Variants in CACNA2D1 observed in about 807,000 individuals in gnomAD.
CACNA2D1 encodes voltage-dependent calcium channel subunit alpha-2/delta-1.
In CACNA2D1, 53 loss-of-function variants were observed where a neutral mutation model predicts 171.5. That is an observed-to-expected ratio of 0.31 (90% confidence interval 0.25 to 0.39). CACNA2D1 has a LOEUF of 0.39. CACNA2D1 is among the 10% of genes least tolerant of loss of function. The pLI is 1.00. For synonymous variants in CACNA2D1, 442 were observed against 443.1 expected (o/e 1.00, Z 0.03); for missense variants, 903 against 1,299.8 (o/e 0.69, Z 4.69).
chr7:82,432,938 C>A (rs1201161780), intron 1 of CACNA2D1, among the ~76,000 whole-genome samples: 4 of 152,166 alleles, frequency 2.6e-5, no homozygotes, highest in Non-Finnish European at 4.4e-5. Context: ...GTAATCCTAG[C>A]ACTTTGGGAG....
At chr7:82,360,757 AT>A (rs1401012466) in intron 1 of CACNA2D1, among the ~76,000 whole-genome samples, 4 of 152,208 alleles carry the variant, frequency 2.6e-5, no homozygotes, top group African/African-American at 9.6e-5. Flanking sequence ...AAATGTATGA[AT>A]ATAAAACCAG....
chr7:81,989,286 G>A (rs925036566), intron 21 of CACNA2D1, among the ~76,000 whole-genome samples: 2 of 152,142 alleles, frequency 1.3e-5, no homozygotes, highest in South Asian at 2.1e-4. Flanking sequence ...GCCAGACTTC[G>A]GGTGTCAGAC....
At chr7:82,336,460 T>C (rs1818013102) in intron 2 of CACNA2D1, among the ~76,000 whole-genome samples, 1 of 152,206 alleles carries the variant, frequency 6.6e-6, no homozygotes, top group South Asian at 2.1e-4. Flanking sequence ...TTTTTGCTCC[T>C]AAAAGTGACT....
At chr7:82,255,610 A>G (rs1806202532) in intron 3 of CACNA2D1, among the ~76,000 whole-genome samples, 1 of 152,226 alleles carries the variant, frequency 6.6e-6, no homozygotes. Context: ...AATGATAAAA[A>G]GAAAATTGTT....
intron 6 of CACNA2D1, among the ~76,000 whole-genome samples, chr7:82,087,416 C>T (rs1010784097): frequency 1.3e-5 from 2 of 152,050 alleles, no homozygotes; most frequent in Non-Finnish European, 2.9e-5. Flanking sequence ...ATTTATACTA[C>T]GGAGAGAATA....
rs1794861041 is a variant in CACNA2D1 at position 81,967,753 on chromosome 7, A to G, written c.2396-90T>C. On this transcript the variant is annotated intron_variant, in intron 29 of 38. Coordinates refer to ENST00000356860, the MANE Select transcript of CACNA2D1 (RefSeq NM_000722.4). ...CAGTTATTTTGATAGCAAGTATCAG[A>G]CTATAGTTTATTACAGAAGTTTTAG... The G allele has an allele frequency of 6.4e-5, 43 of 668,548 alleles. No individual in the cohort carries two copies. The South Asian group carries it at 7.5e-4, about 12-fold the overall frequency. 41.4% of individuals were successfully genotyped at this position (668,548 alleles called of 1,614,324 possible).
intron 3 of CACNA2D1, among the ~76,000 whole-genome samples, chr7:82,249,766 T>C (rs1471368890): frequency 6.6e-6 from 1 of 152,200 alleles, no homozygotes; most frequent in African/African-American, 2.4e-5. Context: ...ACAGATTTTA[T>C]CTCAGTCCTG....
intron 5 of CACNA2D1, among the ~76,000 whole-genome samples, chr7:82,125,662 G>C (rs1263978310): frequency 6.6e-6 from 1 of 152,110 alleles, no homozygotes; most frequent in African/African-American, 2.4e-5. Flanking sequence ...AGGATACCTT[G>C]AGGCAGGAGT....
At chr7:82,016,902 C>A (rs1433542370) in intron 12 of CACNA2D1, among the ~76,000 whole-genome samples, 1 of 151,812 alleles carries the variant, frequency 6.6e-6, no homozygotes, top group Non-Finnish European at 1.5e-5. Context: ...TAATTTGTAC[C>A]CCTTTTCTCA....
intron 6 of CACNA2D1, among the ~76,000 whole-genome samples, 153 bp from the exon 7 acceptor site, chr7:82,085,053 AGAG>A (rs1810282942): frequency 6.6e-6 from 1 of 152,240 alleles, no homozygotes; most frequent in South Asian, 2.1e-4. Flanking sequence ...TCGACACTTT[AGAG>A]GACAGTTTGA....
At chr7:82,259,120 C>T (rs768011033) in intron 3 of CACNA2D1, among the ~76,000 whole-genome samples, 6 of 152,052 alleles carry the variant, frequency 3.9e-5, no homozygotes, top group Non-Finnish European at 7.4e-5. Flanking sequence ...AGCCACCACA[C>T]GTGGACAGAA....
At chr7:82,307,167 T>C (rs1359155383) in intron 3 of CACNA2D1, among the ~76,000 whole-genome samples, 1 of 152,118 alleles carries the variant, frequency 6.6e-6, no homozygotes, top group Non-Finnish European at 1.5e-5. Flanking sequence ...AATTCTTTTT[T>C]TAGGTGTGGG....
intron 3 of CACNA2D1, among the ~76,000 whole-genome samples, chr7:82,298,050 G>A (rs890040008): frequency 1.1e-4 from 17 of 151,798 alleles, no homozygotes; most frequent in Non-Finnish European, 2.9e-5. Context: ...ACTAGAAAAT[G>A]TTATTCAAAA....
chr7:82,172,081 G>C (rs1418825978), intron 3 of CACNA2D1, among the ~76,000 whole-genome samples: 2 of 151,936 alleles, frequency 1.3e-5, no homozygotes, highest in African/African-American at 4.8e-5. Context: ...GAGTCCCAAA[G>C]CTAAATTTAA....
At chr7:82,024,067 T>C (rs1336519345) in intron 12 of CACNA2D1, among the ~76,000 whole-genome samples, 4 of 151,804 alleles carry the variant, frequency 2.6e-5, no homozygotes, top group Non-Finnish European at 4.4e-5. Flanking sequence ...TCAAGGAACA[T>C]TAAGGTTGTT....
intron 1 of CACNA2D1, among the ~76,000 whole-genome samples, chr7:82,423,770 A>AAACGTTTGAAACGTTTTC (rs2129457755): frequency 6.6e-6 from 1 of 152,270 alleles, no homozygotes; most frequent in Admixed American, 6.5e-5. Flanking sequence ...TTCAAACTGA[A>AAACGTTTGAAACGTTTTC]AACGGTAATT....
chr7:82,062,735 T>C (rs1584600390), intron 9 of CACNA2D1, among the ~76,000 whole-genome samples: 2 of 119,590 alleles, frequency 1.7e-5, no homozygotes, highest in East Asian at 2.2e-4. Context: ...TCTCCTTTTT[T>C]TTTTTTTTTT....
intron 1 of CACNA2D1, among the ~76,000 whole-genome samples, chr7:82,404,430 T>C (rs190478456): frequency 8.3e-4 from 127 of 152,302 alleles, no homozygotes; most frequent in Middle Eastern, 3.4e-3. Context: ...CAGATCTTAA[T>C]TGACACCCCT....
intron 6 of CACNA2D1, among the ~76,000 whole-genome samples, chr7:82,111,422 A>G (rs1409751820): frequency 5.6e-5 from 4 of 71,658 alleles, no homozygotes; most frequent in East Asian, 1.0e-3. Context: ...ATGTGTATAT[A>G]TGTGTGTATA....
Sources: allele counts gnomAD v4.1 joint callset (sites outside exome capture counted in the v4.1 genomes callset), GRCh38; gene constraint gnomAD v4.1.1; transcripts MANE v1.5; gene names NCBI Gene and HGNC (gene_info 2026-07-23, HGNC 2026-07-21).